UBE2V2: variants seen among roughly 807,000 people sequenced by gnomAD.
The protein encoded by UBE2V2 is ubiquitin conjugating enzyme E2 V2.
In UBE2V2, 9 loss-of-function variants were observed where a neutral mutation model predicts 17.2. The observed-to-expected ratio is 0.52, with a 90% CI of 0.32 to 0.91. UBE2V2 has a LOEUF of 0.91. Ranked by LOEUF, UBE2V2 falls within the 40% of genes least tolerant of loss-of-function variation. The pLI, the probability that UBE2V2 is intolerant of heterozygous loss-of-function variation, is 0.04. For synonymous variants in UBE2V2, 61 were observed against 57.5 expected (o/e 1.06, Z -0.28); for missense variants, 133 against 182.6 (o/e 0.73, Z 1.56).
In UBE2V2 at chr8:48,047,807, C is replaced by T. The variant is rs2091509568; in HGVS notation, c.166-2046C>T. On this transcript the variant is annotated intron_variant, in intron 2 of 3. Transcript: ENST00000523111. ...AGGCAGTCTGCCCGCCTTTGGCCTC[C>T]CAAAGGGCTGGGATTACAGGCATGA... Among the ~76,000 whole-genome samples the T allele has an allele frequency of 1.3e-5, 2 of 152,088 alleles. 1 individual carries two copies. Among genetic ancestry groups the T allele is most frequent in the South Asian group, 4.1e-4 (2 of 4,834 alleles).
chr8:48,040,240 G>A (rs977105973), intron 1 of UBE2V2, among the ~76,000 whole-genome samples: 1 of 152,070 alleles, frequency 6.6e-6, no homozygotes, highest in Admixed American at 6.6e-5. Flanking sequence ...TCAAGGGTAA[G>A]TTAACAGATA....
upstream of UBE2V2, among the ~76,000 whole-genome samples, chr8:48,008,099 T>C (rs1173728531): frequency 2.0e-5 from 3 of 152,082 alleles, no homozygotes; most frequent in East Asian, 5.8e-4. Flanking sequence ...TTTTTGTATT[T>C]TTAGTAGAGA....
intron 3 of UBE2V2, among the ~76,000 whole-genome samples, chr8:48,054,098 C>A (rs993996769): frequency 6.6e-6 from 1 of 152,176 alleles, no homozygotes; most frequent in African/African-American, 2.4e-5. Flanking sequence ...CTTGAGCCAC[C>A]ACGTCTGGCC....
At chr8:48,049,241 A>G (rs918527294) in intron 2 of UBE2V2, among the ~76,000 whole-genome samples, 1 of 152,326 alleles carries the variant, frequency 6.6e-6, no homozygotes, top group African/African-American at 2.4e-5. Context: ...GGGACATAAA[A>G]TAATTATGTT....
At chr8:48,037,507 A>C (rs2091432657) in intron 1 of UBE2V2, among the ~76,000 whole-genome samples, 1 of 152,216 alleles carries the variant, frequency 6.6e-6, no homozygotes, top group Non-Finnish European at 1.5e-5. Flanking sequence ...TATAAAAAGA[A>C]AGCACTTTGC....
Position 48,062,895 on chromosome 8 carries a change from C to T in UBE2V2, c.*2067C>T, listed in dbSNP as rs1802617495. Reference sequence around the variant, plus strand: ...TGTAATTTGTTAAATTTGAAATGAACTATTACCTTGAAATATAGTCTTTAA... The same window carrying T: ...TGTAATTTGTTAAATTTGAAATGAATTATTACCTTGAAATATAGTCTTTAA... On this transcript the variant is annotated 3_prime_UTR_variant, in exon 4 of 4. Coordinates refer to ENST00000523111, the MANE Select transcript of UBE2V2 (RefSeq NM_003350.3). 2.6e-5 allele frequency: 4 copies of T among 152,102 alleles called. No individual in the cohort carries two copies. Among genetic ancestry groups the T allele is most frequent in the Admixed American group, 1.3e-4 (2 of 15,276 alleles). 9.4% of individuals were successfully genotyped at this position (152,102 alleles called of 1,614,324 possible).
intron 1 of UBE2V2, among the ~76,000 whole-genome samples, chr8:48,034,063 C>T (rs2091403299): frequency 6.6e-6 from 1 of 152,092 alleles, no homozygotes; most frequent in African/African-American, 2.4e-5. Context: ...TATTTCCTTT[C>T]CAGCTCCAAC....
intron 1 of UBE2V2, among the ~76,000 whole-genome samples, chr8:48,028,914 T>G (rs1244171105): frequency 2.0e-5 from 3 of 152,238 alleles, no homozygotes; most frequent in Non-Finnish European, 1.5e-5. Flanking sequence ...TTCTGTAGAT[T>G]GTCTTCACTT....
chr8:48,046,632 C>T (rs997534831), intron 2 of UBE2V2, among the ~76,000 whole-genome samples: 1 of 152,190 alleles, frequency 6.6e-6, no homozygotes, highest in Non-Finnish European at 1.5e-5. Context: ...GATAGTCTCA[C>T]TCTGTCAACC....
At chr8:48,005,725 A>T (rs909525397), upstream of UBE2V2, among the ~76,000 whole-genome samples, 4 of 152,162 alleles carry the variant, frequency 2.6e-5, no homozygotes, top group Non-Finnish European at 5.9e-5. Flanking sequence ...CTGGTGTGAG[A>T]TGGTAGCTCA....
intron 1 of UBE2V2, chr8:48,035,111 T>G: frequency 7.4e-5 from 56 of 760,104 alleles, no homozygotes; most frequent in South Asian, 1.2e-4. Flanking sequence ...TTTATTCTTT[T>G]TTTTTTTTTT....
the UBE2V2 span, among the ~76,000 whole-genome samples, chr8:48,002,918 A>G: frequency 6.6e-6 from 1 of 151,586 alleles, no homozygotes; most frequent in East Asian, 2.0e-4. Context: ...GTTAAAAAAG[A>G]AAGAGAGAAT....
Position 48,031,926 on chromosome 8 carries a change from G to A in UBE2V2, c.17-11107G>A, listed in dbSNP as rs13275506. Among the ~76,000 whole-genome samples the A allele has an allele frequency of 3.1e-3, 466 of 152,276 alleles. 2 individuals carry two copies. The highest frequency in any genetic ancestry group is 0.016 in the South Asian group (75 of 4,816). ...CTCCCAAAGTGCTGGGATTGCAGGTGTGAGTAAATTTTGTTTTTATAAATT... is the reference window on the plus strand; with the variant it reads ...CTCCCAAAGTGCTGGGATTGCAGGTATGAGTAAATTTTGTTTTTATAAATT... On this transcript the variant is annotated intron_variant, in intron 1 of 3. Transcript: ENST00000523111.
upstream of UBE2V2, chr8:48,008,371 C>A: frequency 1.3e-6 from 2 of 1,514,162 alleles, no homozygotes; most frequent in South Asian, 2.4e-5. Flanking sequence ...TCCGCTGTGA[C>A]GCGTGCAGGG....
chr8:47,998,203 G>A, the UBE2V2 span, among the ~76,000 whole-genome samples: 1 of 151,992 alleles, frequency 6.6e-6, no homozygotes, highest in Non-Finnish European at 1.5e-5. Context: ...AAGCCTTTTA[G>A]GGCAGATTTC....
upstream of UBE2V2, among the ~76,000 whole-genome samples, chr8:48,004,562 G>A (rs1215542591): frequency 4.9e-5 from 7 of 142,040 alleles, no homozygotes; most frequent in African/African-American, 1.3e-4. Flanking sequence ...GCAGAGTCTC[G>A]CTCTTGTCAT....
chr8:48,025,079 C>T (rs897129877), intron 1 of UBE2V2, among the ~76,000 whole-genome samples: 3 of 151,728 alleles, frequency 2.0e-5, no homozygotes, highest in South Asian at 2.1e-4. Context: ...GAACTACAGG[C>T]GTGTGCCACC....
At chr8:48,050,233 TTTTC>T in intron 3 of UBE2V2, 1 of 212,052 alleles carries the variant, frequency 4.7e-6, no homozygotes, top group Non-Finnish European at 9.3e-6. Flanking sequence ...AAAACTTTTT[TTTTC>T]TTTTCTTTTT....
rs189947149 is a variant in UBE2V2, at chr8:48,037,987, C to A, written c.17-5046C>A. ...AATTGCTAAGGGTGCCCTTCCAGGC[C>A]ATTTCTGACTCTTTGCTCTCATACT... On this transcript the variant is annotated intron_variant, in intron 1 of 3. Coordinates refer to ENST00000523111, the MANE Select transcript of UBE2V2 (RefSeq NM_003350.3). Among the ~76,000 whole-genome samples the A allele has an allele frequency of 5.6e-4, 85 of 152,294 alleles. 1 individual carries two copies. The highest frequency in any genetic ancestry group is 2.0e-3 in the African/African-American group (84 of 41,570).
Sources: gnomAD v4.1 joint callset for allele counts (sites outside exome capture counted in the v4.1 genomes callset) on GRCh38, gnomAD v4.1.1 for gene constraint, MANE v1.5 for transcripts, NCBI Gene and HGNC (gene_info 2026-07-23, HGNC 2026-07-21) for gene names.